PHYHIPL: variants seen among roughly 807,000 people sequenced by gnomAD.
PHYHIPL encodes phytanoyl-CoA 2-hydroxylase interacting protein like.
In PHYHIPL, 9 loss-of-function variants were observed where a neutral mutation model predicts 33.4. The observed-to-expected ratio is 0.27, with a 90% CI of 0.16 to 0.47. PHYHIPL has a LOEUF of 0.47. PHYHIPL is among the 20% of genes least tolerant of loss of function. The pLI is 0.99. For synonymous variants in PHYHIPL, 153 were observed against 154.1 expected (o/e 0.99, Z 0.05); for missense variants, 365 against 460.7 (o/e 0.79, Z 1.90).
chr10:59,215,110 C>A (rs539061321), intron 1 of PHYHIPL, among the ~76,000 whole-genome samples: 20 of 152,166 alleles, frequency 1.3e-4, no homozygotes, highest in African/African-American at 3.6e-4. Context: ...AAGTTAAATT[C>A]TTGCTCATTG....
Position 59,247,460 on chromosome 10 carries a change from ATAAT to A in PHYHIPL, c.*1873_*1876del, listed in dbSNP as rs1840814129. On this transcript the variant is annotated 3_prime_UTR_variant, in exon 5 of 5. Coordinates refer to ENST00000373880, the MANE Select transcript of PHYHIPL (RefSeq NM_032439.4). Reference sequence around the variant, plus strand: ...CCGTTTAAATCCCTTCTCCTTGTATATAATTAAACTTGCTATTCCTTCTTAAAAA... The same window carrying A: ...CCGTTTAAATCCCTTCTCCTTGTATATAAACTTGCTATTCCTTCTTAAAAA... 2 of 869,976 alleles carry A rather than the reference ATAAT, an allele frequency of 2.3e-6. No homozygotes were observed. The highest frequency in any genetic ancestry group is 1.8e-6 in the Non-Finnish European group (1 of 553,770). 53.9% of individuals were successfully genotyped at this position (869,976 alleles called of 1,614,324 possible). A position where few individuals can be genotyped will look rare whatever the true frequency, so the allele number is the denominator to read the frequency against.
intron 1 of PHYHIPL, among the ~76,000 whole-genome samples, chr10:59,226,923 A>G (rs980378916): frequency 4.6e-5 from 7 of 152,188 alleles, no homozygotes; most frequent in African/African-American, 1.7e-4. Flanking sequence ...CTCATAGAAA[A>G]GAAGAAGCAA....
At chr10:59,230,737 T>C (rs1840054255) in intron 1 of PHYHIPL, among the ~76,000 whole-genome samples, 1 of 152,134 alleles carries the variant, frequency 6.6e-6, no homozygotes, top group Non-Finnish European at 1.5e-5. Flanking sequence ...CAGCTTGCTT[T>C]TATACATTTT....
At chr10:59,236,825 G>A (rs182176936) in intron 3 of PHYHIPL, among the ~76,000 whole-genome samples, 168 bp downstream of exon 3, 134 of 151,992 alleles carry the variant, frequency 8.8e-4, no homozygotes, top group African/African-American at 3.1e-3. Flanking sequence ...ATTGATTGGA[G>A]GAAGCTGAAG....
rs1028364404 is a variant in PHYHIPL at position 59,199,090 on chromosome 10, A to G, written c.106+22131A>G. On this transcript the variant is annotated intron_variant, in intron 1 of 4. Transcript: ENST00000373880. ...ATCCCATTTGTCAATTTTGGCTTTT[A>G]TTGCCATTGCTTTTGGTGTTTTAGA... Among the ~76,000 whole-genome samples, 234 of 151,606 alleles carry G rather than the reference A, an allele frequency of 1.5e-3. 1 individual carries two copies. Among genetic ancestry groups the G allele is most frequent in the Non-Finnish European group, 2.5e-3 (168 of 67,808 alleles).
intron 1 of PHYHIPL, among the ~76,000 whole-genome samples, chr10:59,201,997 G>C (rs762902777): frequency 9.2e-5 from 14 of 152,086 alleles, no homozygotes; most frequent in Non-Finnish European, 2.1e-4. Context: ...GGAAGGAAAA[G>C]TTGAGAAAAT....
At chr10:59,219,033 C>T (rs550542737) in intron 1 of PHYHIPL, among the ~76,000 whole-genome samples, 3 of 152,000 alleles carry the variant, frequency 2.0e-5, no homozygotes, top group African/African-American at 4.8e-5. Context: ...TGGGTTTAAG[C>T]GTACACAATT....
chr10:59,189,141 T>A (rs533975950), intron 1 of PHYHIPL, among the ~76,000 whole-genome samples: 116 of 152,126 alleles, frequency 7.6e-4, no homozygotes, highest in African/African-American at 2.6e-3. Context: ...AGAGTCAAGA[T>A]CATATTCATC....
At position 59,245,566 on chromosome 10, in the gene PHYHIPL, C is replaced by A; in HGVS notation, c.1106C>A (p.Thr369Asn). ...GCAAAGAAAGATCCCAGCTGCAAAA[C>A]CTGTAATATCAGTGTTGGACGTTAA... The part of the protein sequence containing the change: ...ANAKKDPSCK[T>N]CNISVGR Residue 369 changes from threonine to asparagine, a missense_variant, in exon 5 of 5, where the codon ACC becomes AAC. Transcript: ENST00000373880. The A allele has an allele frequency of 6.2e-7, 1 of 1,607,630 alleles. No individual in the cohort carries two copies. The highest frequency in any genetic ancestry group is 8.5e-7 in the Non-Finnish European group (1 of 1,177,454).
At chr10:59,232,657 A>G (rs1316113627) in intron 1 of PHYHIPL, among the ~76,000 whole-genome samples, 1 of 151,956 alleles carries the variant, frequency 6.6e-6, no homozygotes, top group Non-Finnish European at 1.5e-5. Context: ...CTTTATTTTT[A>G]TCTACATGAT....
chr10:59,206,910 A>T, intron 1 of PHYHIPL: 1 of 605,356 alleles, frequency 1.7e-6, no homozygotes, highest in Non-Finnish European at 2.2e-6. Context: ...AAAGTGTGAC[A>T]TGCTTCATTA....
upstream of PHYHIPL, among the ~76,000 whole-genome samples, chr10:59,174,709 T>C (rs1344285070): frequency 2.0e-5 from 3 of 152,188 alleles, no homozygotes; most frequent in Admixed American, 2.0e-4. Flanking sequence ...ATTTAAAGCC[T>C]TTTTAATAAT....
chr10:59,224,405 T>C (rs1839860709), intron 1 of PHYHIPL, among the ~76,000 whole-genome samples: 1 of 151,800 alleles, frequency 6.6e-6, no homozygotes, highest in Non-Finnish European at 1.5e-5. Flanking sequence ...CAGTGAGTCA[T>C]GATTGTGCCT....
chr10:59,192,163 G>A (rs1433925998), intron 1 of PHYHIPL, among the ~76,000 whole-genome samples: 1 of 152,044 alleles, frequency 6.6e-6, no homozygotes, highest in East Asian at 1.9e-4. Context: ...GTCTTCTTTT[G>A]ATGTTTACCC....
Position 59,245,493 on chromosome 10 carries a change from G to A in PHYHIPL, c.1033G>A (p.Val345Met), listed in dbSNP as rs926700554. 7 of 1,613,998 alleles carry A rather than the reference G, an allele frequency of 4.3e-6. No homozygotes were observed. Among genetic ancestry groups the A allele is most frequent in the East Asian group, 2.2e-5 (1 of 44,884 alleles). Residue 345 changes from valine to methionine, a missense_variant, in exon 5 of 5, where the codon GTG becomes ATG. Physicochemically the swap from Val to Met is conservative, Grantham distance 21. This residue lies in a region of PHYHIPL where 196 missense variants were observed against 224.9 expected (regional missense o/e 0.87). Transcript: ENST00000373880. ...CCCTGTGGATCTTTCTGTGGGCACC[G>A]TGGCAGAAATCACTGGTCATCAGCT... ...TDPVDLSVGT[V>M]AEITGHQLMS...
At chr10:59,181,533 C>G (rs563593552) in intron 1 of PHYHIPL, among the ~76,000 whole-genome samples, 1 of 152,054 alleles carries the variant, frequency 6.6e-6, no homozygotes, top group Non-Finnish European at 1.5e-5. Flanking sequence ...TGGCTTGTAA[C>G]CTTGATGGTT....
Position 59,238,108 on chromosome 10 carries a change from G to C in PHYHIPL, c.479-480G>C, listed in dbSNP as rs569465932. On this transcript the variant is annotated intron_variant, in intron 3 of 4. Coordinates refer to ENST00000373880, the MANE Select transcript of PHYHIPL (RefSeq NM_032439.4). ...AAACAACTTTCAAAACAAAAAGTGG[G>C]TTAAAAAAAATCAGATTTACTTTGA... is the stretch of plus-strand genomic sequence containing the variant. 2.6e-5 allele frequency among the ~76,000 whole-genome samples: 4 copies of C among 151,904 alleles called. No individual in the cohort carries two copies. In the South Asian group the frequency reaches 8.3e-4, roughly 32 times the overall value.
rs1840731462 is a variant in PHYHIPL, at chr10:59,246,592, C to A, written c.*1001C>A. 5 of 397,294 alleles carry A rather than the reference C, an allele frequency of 1.3e-5. No homozygotes were observed. Among genetic ancestry groups the A allele is most frequent in the Non-Finnish European group, 2.2e-5 (5 of 224,994 alleles). 24.6% of individuals were successfully genotyped at this position (397,294 alleles called of 1,614,324 possible). ...AAACATGTTTTCGTATAAAATAACA[C>A]AAAATGATATACACTGAAGTTGATG... On this transcript the variant is annotated 3_prime_UTR_variant, in exon 5 of 5. Transcript: ENST00000373880.
At chr10:59,241,590 T>C (rs1297226400) in intron 4 of PHYHIPL, among the ~76,000 whole-genome samples, 1 of 152,140 alleles carries the variant, frequency 6.6e-6, no homozygotes, top group African/African-American at 2.4e-5. Context: ...CCTCAAAGTG[T>C]AGGTTCTAGT....
Sources: gnomAD v4.1 joint callset for allele counts (sites outside exome capture counted in the v4.1 genomes callset) on GRCh38, gnomAD v4.1.1 for gene constraint, gnomAD v4.1.1 regional missense constraint, MANE v1.5 for transcripts, NCBI Gene and HGNC (gene_info 2026-07-23, HGNC 2026-07-21) for gene names.